RPS6KC1: variants seen among roughly 807,000 people sequenced by gnomAD.
RPS6KC1 encodes ribosomal protein S6 kinase C1.
A neutral mutation model predicts 103.8 loss-of-function variants in RPS6KC1; 54 were observed. The observed-to-expected ratio is 0.52, with a 90% CI of 0.42 to 0.65. The LOEUF (loss-of-function observed/expected upper bound fraction) is 0.65, where lower values mean the gene tolerates loss of function less well. Among genes scored for constraint, RPS6KC1 ranks in the 30% least tolerant of loss-of-function variants. The probability of loss-of-function intolerance (pLI) is 0.00; values close to 1 mark genes in which losing one functional copy is unlikely to be tolerated. For missense variants in RPS6KC1, 1,151 were observed against 1,253.8 expected, an observed-to-expected ratio of 0.92 and a Z score of 1.24; for synonymous variants, 439 against 438.7, an observed-to-expected ratio of 1.00 and a Z score of -0.01.
the RPS6KC1 span, among the ~76,000 whole-genome samples, chr1:213,740,535 TGAA>T: frequency 1.3e-5 from 2 of 152,064 alleles, no homozygotes; most frequent in Non-Finnish European, 2.9e-5. Context: ...GTTTGGTCCT[TGAA>T]GACATTCACA....
chr1:213,356,821 C>T, the RPS6KC1 span, among the ~76,000 whole-genome samples: 2 of 151,992 alleles, frequency 1.3e-5, no homozygotes, highest in Non-Finnish European at 2.9e-5. Context: ...TCAGGAACTT[C>T]TTAGATGCTT....
chr1:213,818,316 C>T, the RPS6KC1 span: 1 of 152,336 alleles, frequency 6.6e-6, no homozygotes, highest in Non-Finnish European at 1.5e-5. Flanking sequence ...TTGTGCCAAA[C>T]AGTTAGCCAA....
chr1:213,137,752 G>GCTCTCTCTCTCTCTCTCTCTCTCT (rs149436919), intron 6 of RPS6KC1, among the ~76,000 whole-genome samples: 2 of 12,204 alleles, frequency 1.6e-4, no homozygotes, highest in Non-Finnish European at 1.9e-4. Context: ...AGTCCAGTTT[G>GCTCTCTCTCTCTCTCTCTCTCTCT]CTCTCTCTCT....
At chr1:213,194,336 T>C (rs898930780) in intron 8 of RPS6KC1, among the ~76,000 whole-genome samples, 3 of 152,238 alleles carry the variant, frequency 2.0e-5, no homozygotes, top group Non-Finnish European at 4.4e-5. Flanking sequence ...TAGGACGTAC[T>C]TCTGCCATTT....
intron 12 of RPS6KC1, among the ~76,000 whole-genome samples, chr1:213,259,357 C>T (rs1041362934): frequency 1.3e-5 from 2 of 152,124 alleles, no homozygotes; most frequent in African/African-American, 2.4e-5. Flanking sequence ...CTCAGGAGTT[C>T]GAGAACATAC....
chr1:213,415,473 G>A, the RPS6KC1 span, among the ~76,000 whole-genome samples: 1 of 152,214 alleles, frequency 6.6e-6, no homozygotes, highest in Non-Finnish European at 1.5e-5. Flanking sequence ...AAAGGGGTCG[G>A]CTTCTCTGTA....
chr1:213,094,610 T>TGA (rs1455009294), intron 3 of RPS6KC1, among the ~76,000 whole-genome samples: 1 of 152,206 alleles, frequency 6.6e-6, no homozygotes, highest in East Asian at 1.9e-4. Flanking sequence ...TGACTTCCTG[T>TGA]GAGAGAGAGA....
chr1:213,409,674 T>C, the RPS6KC1 span, among the ~76,000 whole-genome samples: 2 of 152,244 alleles, frequency 1.3e-5, no homozygotes, highest in Non-Finnish European at 2.9e-5. Flanking sequence ...GAATGGGTGC[T>C]GTTTTCCATT....
At chr1:213,398,617 G>T in the RPS6KC1 span, among the ~76,000 whole-genome samples, 1 of 152,000 alleles carries the variant, frequency 6.6e-6, no homozygotes, top group African/African-American at 2.4e-5. Context: ...TTTTACTTTT[G>T]ACATTGCAAT....
intron 12 of RPS6KC1, among the ~76,000 whole-genome samples, chr1:213,259,072 G>A (rs1460747281): frequency 6.6e-6 from 1 of 152,194 alleles, no homozygotes; most frequent in Non-Finnish European, 1.5e-5. Flanking sequence ...CTGATTCCTA[G>A]TTCATTGTTC....
intron 3 of RPS6KC1, among the ~76,000 whole-genome samples, chr1:213,091,188 G>A (rs988885761): frequency 7.9e-5 from 12 of 152,020 alleles, no homozygotes; most frequent in Admixed American, 2.0e-4. Context: ...CTCCCGAGTA[G>A]CTGGGACTAC....
At chr1:213,492,713 C>T in the RPS6KC1 span, 1 of 152,274 alleles carries the variant, frequency 6.6e-6, no homozygotes, top group African/African-American at 2.4e-5. Context: ...TGCTTACTCT[C>T]CCTCTTACGT....
At chr1:213,787,826 T>C in the RPS6KC1 span, among the ~76,000 whole-genome samples, 1 of 152,186 alleles carries the variant, frequency 6.6e-6, no homozygotes, top group Non-Finnish European at 1.5e-5. Flanking sequence ...AAGTGCTCAA[T>C]ACACTGTACT....
intron 3 of RPS6KC1, among the ~76,000 whole-genome samples, chr1:213,092,400 G>A (rs778010358): frequency 2.3e-4 from 35 of 152,248 alleles, no homozygotes; most frequent in Non-Finnish European, 4.1e-4. Context: ...GGCCGGGCCC[G>A]GTGGCTCATG....
intron 6 of RPS6KC1, among the ~76,000 whole-genome samples, chr1:213,148,130 A>G (rs1342859332): frequency 6.6e-6 from 1 of 152,208 alleles, no homozygotes; most frequent in South Asian, 2.1e-4. Flanking sequence ...CGGTCATATC[A>G]TCTGCAAACA....
the RPS6KC1 span, among the ~76,000 whole-genome samples, chr1:213,308,656 T>C: frequency 3.3e-5 from 5 of 152,208 alleles, no homozygotes; most frequent in African/African-American, 9.7e-5. Context: ...AAGTATTCAT[T>C]ATCCGAGTCC....
chr1:213,115,226 T>C (rs1373857305), intron 4 of RPS6KC1, among the ~76,000 whole-genome samples: 1 of 152,114 alleles, frequency 6.6e-6, no homozygotes, highest in Non-Finnish European at 1.5e-5. Context: ...TGCCACAATT[T>C]CAGATCCTGT....
chr1:213,532,230 C>A, the RPS6KC1 span, among the ~76,000 whole-genome samples: 2 of 152,116 alleles, frequency 1.3e-5, no homozygotes, highest in Admixed American at 1.3e-4. Flanking sequence ...GGGTGGGGAG[C>A]GGCCAAGGCA....
At chr1:213,563,344 A>G in the RPS6KC1 span, among the ~76,000 whole-genome samples, 7,259 of 151,870 alleles carry the variant, frequency 0.048, 498 homozygotes, top group African/African-American at 0.15. Flanking sequence ...TTATGCTGCT[A>G]TATTTTGGCT....
Sources: gnomAD v4.1 joint callset for allele counts (sites outside exome capture counted in the v4.1 genomes callset) on GRCh38, gnomAD v4.1.1 for gene constraint, MANE v1.5 for transcripts, NCBI Gene and HGNC (gene_info 2026-07-23, HGNC 2026-07-21) for gene names.